TEKT5: variants seen among roughly 807,000 people sequenced by gnomAD.
The protein encoded by TEKT5 is tektin 5.
In TEKT5, 52 loss-of-function variants were observed where a neutral mutation model predicts 48.7. The ratio of observed to expected loss-of-function variants is 1.07; its 90% CI spans 0.86 to 1.35. The LOEUF (loss-of-function observed/expected upper bound fraction) is 1.35. TEKT5 is among the 40% of genes most tolerant of loss of function. The probability of loss-of-function intolerance (pLI) is 0.00; values close to 1 mark genes in which losing one functional copy is unlikely to be tolerated. For missense variants in TEKT5, 831 were observed against 641.6 expected, an observed-to-expected ratio of 1.30 and a Z score of -3.19; for synonymous variants, 318 against 267.6, an observed-to-expected ratio of 1.19 and a Z score of -1.84.
In TEKT5 at chr16:10,689,298, TG is replaced by T; in HGVS notation, c.673del (p.Gln225LysfsTer4). The T allele has an allele frequency of 6.2e-7, 1 of 1,613,610 alleles. No homozygotes were observed. Among genetic ancestry groups the T allele is most frequent in the Non-Finnish European group, 8.5e-7 (1 of 1,179,874 alleles). The part of the protein sequence containing the change: ...IREVDLLKCC[Q>X]EQMRKLAQRI... ...TTGAGCTAATTTTCTCATCTGTTCT[TG>T]GCAACATTTTAGCAAATCCACTTCC... On this transcript the variant is annotated frameshift_variant, in exon 3 of 7. Coordinates refer to ENST00000283025, the MANE Select transcript of TEKT5 (RefSeq NM_144674.2). LOFTEE classifies it high-confidence loss of function.
Position 10,679,827 on chromosome 16 carries a change from A to T in TEKT5, c.863+2166T>A, listed in dbSNP as rs193064548. On this transcript the variant is annotated intron_variant, in intron 4 of 6. Coordinates refer to ENST00000283025, the MANE Select transcript of TEKT5 (RefSeq NM_144674.2). ...CAGGAGCATCGCTTGAACCCAGGAG[A>T]TGGAGGCTGTGGTGAGCCGAGATCG... is the stretch of plus-strand genomic sequence containing the variant. Among the ~76,000 whole-genome samples, 242 of 152,128 alleles carry T rather than the reference A, an allele frequency of 1.6e-3. 7 individuals are homozygous for T. The East Asian group carries it at 0.032, about 20-fold the overall frequency.
At chr16:10,675,758 G>C (rs1025525667) in intron 5 of TEKT5, among the ~76,000 whole-genome samples, 2 of 152,110 alleles carry the variant, frequency 1.3e-5, no homozygotes, top group Non-Finnish European at 2.9e-5. Flanking sequence ...AGCAAGACAA[G>C]ATGGACTATG....
chr16:10,656,985 C>T (rs1427711451), intron 5 of TEKT5, among the ~76,000 whole-genome samples: 1 of 152,144 alleles, frequency 6.6e-6, no homozygotes, highest in African/African-American at 2.4e-5. Flanking sequence ...GTGATCCTCC[C>T]ACCACAGCCT....
intron 5 of TEKT5, among the ~76,000 whole-genome samples, chr16:10,675,631 G>C (rs1422516316): frequency 6.6e-6 from 1 of 152,174 alleles, no homozygotes; most frequent in Non-Finnish European, 1.5e-5. Flanking sequence ...AGACTATGGT[G>C]TGCCGGGCTC....
chr16:10,694,264 T>A, intron 1 of TEKT5, 46 bp downstream of exon 1: 1 of 1,504,526 alleles, frequency 6.6e-7, no homozygotes, highest in South Asian at 1.3e-5. Context: ...GAGCGTGCAG[T>A]ATCCCCAGGA....
chr16:10,660,081 C>T (rs913697831), intron 5 of TEKT5, among the ~76,000 whole-genome samples: 5 of 152,184 alleles, frequency 3.3e-5, no homozygotes, highest in African/African-American at 1.2e-4. Flanking sequence ...TCACAGGCAA[C>T]ATTCTGAGAC....
intron 3 of TEKT5, among the ~76,000 whole-genome samples, chr16:10,688,577 C>T (rs1454716899): frequency 6.6e-6 from 1 of 152,192 alleles, no homozygotes; most frequent in African/African-American, 2.4e-5. Flanking sequence ...GAGCAGCGTG[C>T]CCTGAAAGAG....
chr16:10,694,281 C>T (rs567608251), intron 1 of TEKT5, 29 bp downstream of exon 1: 1 of 1,530,746 alleles, frequency 6.5e-7, no homozygotes, highest in Admixed American at 2.0e-5. Flanking sequence ...AGGACACAGC[C>T]ACAGCCCTGT....
intron 5 of TEKT5, among the ~76,000 whole-genome samples, chr16:10,675,668 A>G (rs1246997343): frequency 6.6e-6 from 1 of 152,180 alleles, no homozygotes; most frequent in South Asian, 2.1e-4. Context: ...GCTCGGCCAC[A>G]TGGGTCTTAG....
chr16:10,657,651 G>A lies in TEKT5; in HGVS notation c.1086+18308C>T, dbSNP rs530806753. Among the ~76,000 whole-genome samples the A allele has an allele frequency of 5.1e-3, 756 of 149,642 alleles. 7 individuals carry two copies. Among genetic ancestry groups the A allele is most frequent in the African/African-American group, 0.017 (689 of 40,508 alleles). On this transcript the variant is annotated intron_variant, in intron 5 of 6. Transcript: ENST00000283025. ...GTCACCCAGGCTGGAGTGCAGTGGCGCAATCTCGGCTCACTGCAAGCTCCA... is the reference window on the plus strand; with the variant it reads ...GTCACCCAGGCTGGAGTGCAGTGGCACAATCTCGGCTCACTGCAAGCTCCA...
At chr16:10,669,787 T>C (rs1220639647) in intron 5 of TEKT5, among the ~76,000 whole-genome samples, 1 of 151,842 alleles carries the variant, frequency 6.6e-6, no homozygotes, top group Non-Finnish European at 1.5e-5. Flanking sequence ...TGCATGTAAA[T>C]GAGGGGTTGT....
chr16:10,682,162 G>C, intron 3 of TEKT5, 26 bp from the exon 4 acceptor site: 1 of 1,611,684 alleles, frequency 6.2e-7, no homozygotes, highest in Non-Finnish European at 8.5e-7. Context: ...AGTCATTCCT[G>C]GACTATGCAC....
chr16:10,691,435 G>A (rs1272361750), intron 1 of TEKT5: 1 of 152,480 alleles, frequency 6.6e-6, no homozygotes, highest in Non-Finnish European at 1.5e-5. Context: ...GAGTGGTCAG[G>A]GAGGAATTCT....
At chr16:10,670,526 G>C (rs1321624780) in intron 5 of TEKT5, among the ~76,000 whole-genome samples, 3 of 152,136 alleles carry the variant, frequency 2.0e-5, no homozygotes, top group Admixed American at 6.6e-5. Flanking sequence ...CTCAAAAAAA[G>C]AAGAGAGCAT....
At chr16:10,661,221 A>T (rs980962514) in intron 5 of TEKT5, among the ~76,000 whole-genome samples, 6 of 152,102 alleles carry the variant, frequency 3.9e-5, no homozygotes, top group East Asian at 1.9e-4. Context: ...TGAGTTTGCA[A>T]CCCCTGTTAT....
chr16:10,633,943 T>A (rs939525039), intron 6 of TEKT5, among the ~76,000 whole-genome samples: 1 of 152,110 alleles, frequency 6.6e-6, no homozygotes, highest in South Asian at 2.1e-4. Context: ...TGTGCAAAAA[T>A]CATCGCTTGG....
At chr16:10,646,590 C>T (rs1182510650) in intron 5 of TEKT5, among the ~76,000 whole-genome samples, 1 of 152,094 alleles carries the variant, frequency 6.6e-6, no homozygotes, top group South Asian at 2.1e-4. Context: ...TTGCTTAAAA[C>T]AGAATTTTTT....
At chr16:10,665,287 C>G (rs1898439275) in intron 5 of TEKT5, among the ~76,000 whole-genome samples, 2 of 152,188 alleles carry the variant, frequency 1.3e-5, no homozygotes, top group African/African-American at 4.8e-5. Context: ...CTTGGCCAGG[C>G]TGCACCTTAT....
intron 3 of TEKT5, among the ~76,000 whole-genome samples, chr16:10,688,465 T>A (rs1217349991): frequency 6.6e-6 from 1 of 152,186 alleles, no homozygotes; most frequent in Non-Finnish European, 1.5e-5. Context: ...CAACTGCCCA[T>A]GTGCACCAGG....
Sources: gnomAD v4.1 joint callset for allele counts (sites outside exome capture counted in the v4.1 genomes callset) on GRCh38, gnomAD v4.1.1 for gene constraint, MANE v1.5 for transcripts, NCBI Gene and HGNC (gene_info 2026-07-23, HGNC 2026-07-21) for gene names.